Variants in ADGRL3 observed in about 807,000 individuals in gnomAD.
ADGRL3 encodes the protein adhesion G protein-coupled receptor L3.
ADGRL3 carries 62 observed loss-of-function variants against 153.5 expected under a neutral mutation model. That is an observed-to-expected ratio of 0.40 (90% CI 0.33 to 0.50). ADGRL3 has a LOEUF of 0.50. ADGRL3 is among the 20% of genes least tolerant of loss of function. The pLI is 0.47. For missense variants in ADGRL3, 1,641 were observed against 1,859.4 expected (o/e 0.88, Z 2.16); for synonymous variants, 710 against 672.5 (o/e 1.06, Z -0.86).
At chr4:61,486,829 G>T (rs567203964) in intron 2 of ADGRL3, among the ~76,000 whole-genome samples, 13 of 152,222 alleles carry the variant, frequency 8.5e-5, no homozygotes, top group African/African-American at 3.1e-4. Context: ...GATCCTGGAA[G>T]ATCATGGTTC....
chr4:61,379,747 G>A (rs112079193), intron 1 of ADGRL3, among the ~76,000 whole-genome samples: 36 of 152,086 alleles, frequency 2.4e-4, no homozygotes, highest in African/African-American at 6.5e-4. Flanking sequence ...TTTATAATGG[G>A]ATTCCTGGAA....
chr4:61,839,795 A>T (rs1250892966), intron 9 of ADGRL3, among the ~76,000 whole-genome samples: 2 of 151,660 alleles, frequency 1.3e-5, no homozygotes, highest in African/African-American at 2.4e-5. Context: ...GAAAAAAAAA[A>T]TTAAATTTGC....
intron 4 of ADGRL3, among the ~76,000 whole-genome samples, chr4:61,545,923 C>T (rs1005217660): frequency 6.6e-6 from 1 of 152,068 alleles, no homozygotes; most frequent in Non-Finnish European, 1.5e-5. Context: ...AAAAAACTTT[C>T]TATGTTTTTA....
At chr4:61,717,980 C>T (rs2096157584) in intron 6 of ADGRL3, among the ~76,000 whole-genome samples, 1 of 151,894 alleles carries the variant, frequency 6.6e-6, no homozygotes, top group Non-Finnish European at 1.5e-5. Context: ...GTTGCAGTAA[C>T]CTGAGATCAG....
intron 1 of ADGRL3, among the ~76,000 whole-genome samples, chr4:61,328,861 T>A (rs1306242670): frequency 6.6e-6 from 1 of 152,104 alleles, no homozygotes; most frequent in African/African-American, 2.4e-5. Context: ...TTCTCCATAA[T>A]CCCTCAAGCT....
chr4:61,964,146 A>G (rs569779298), intron 17 of ADGRL3, among the ~76,000 whole-genome samples: 65 of 152,314 alleles, frequency 4.3e-4, no homozygotes, highest in Admixed American at 7.8e-4. Context: ...GTTTTAAGTA[A>G]TTCCTTTTTG....
At chr4:61,266,725 G>T (rs1485076315) in intron 1 of ADGRL3, among the ~76,000 whole-genome samples, 1 of 151,654 alleles carries the variant, frequency 6.6e-6, no homozygotes, top group African/African-American at 2.4e-5. Context: ...TATATGTAAG[G>T]TAAATCTAAG....
In ADGRL3 at chr4:62,078,171, A is replaced by ATT. The variant is rs1265083788; in HGVS notation, c.*7265_*7266dup. On this transcript the variant is annotated 3_prime_UTR_variant, in exon 27 of 27. Transcript: ENST00000683033. ...CTTTGGTCGCTTAGGATTCTCATAT[A>ATT]TTTACACATGGCATTATTCTTTTCA... 6.6e-6 allele frequency: 1 copy of ATT among 151,960 alleles called. No individual in the cohort carries two copies. Among genetic ancestry groups the ATT allele is most frequent in the East Asian group, 1.9e-4 (1 of 5,192 alleles). 9.4% of individuals were successfully genotyped at this position (151,960 alleles called of 1,614,324 possible). A position where few individuals can be genotyped will look rare whatever the true frequency, so the allele number is the denominator to read the frequency against.
chr4:61,238,471 G>GTGTGTGTA (rs1753689290), intron 1 of ADGRL3, among the ~76,000 whole-genome samples: 1 of 151,576 alleles, frequency 6.6e-6, no homozygotes, highest in African/African-American at 2.4e-5. Context: ...GTGTGTGTGT[G>GTGTGTGTA]TGTGTATGCA....
At chr4:61,538,795 G>A (rs1310050544) in intron 4 of ADGRL3, among the ~76,000 whole-genome samples, 1 of 152,090 alleles carries the variant, frequency 6.6e-6, no homozygotes, top group East Asian at 1.9e-4. Context: ...CAGTAGATGG[G>A]CATGTGCCTT....
intron 17 of ADGRL3, among the ~76,000 whole-genome samples, chr4:61,956,445 C>T (rs993088891): frequency 6.6e-6 from 1 of 152,084 alleles, no homozygotes; most frequent in Non-Finnish European, 1.5e-5. Context: ...TGACTCTTGT[C>T]AGATGGGTAG....
chr4:61,473,022 G>T (rs986280552), intron 2 of ADGRL3, among the ~76,000 whole-genome samples: 11 of 152,104 alleles, frequency 7.2e-5, no homozygotes, highest in Non-Finnish European at 2.9e-5. Context: ...TGAAAACTGT[G>T]AAGAGGACAT....
At chr4:61,914,087 C>T (rs1318418735) in intron 13 of ADGRL3, among the ~76,000 whole-genome samples, 2 of 152,052 alleles carry the variant, frequency 1.3e-5, no homozygotes, top group Admixed American at 1.3e-4. Flanking sequence ...ACTAACACTT[C>T]AGAGGAATGA....
At chr4:61,731,815 A>G (rs1256486270) in intron 7 of ADGRL3, among the ~76,000 whole-genome samples, 1 of 152,148 alleles carries the variant, frequency 6.6e-6, no homozygotes, top group Non-Finnish European at 1.5e-5. Context: ...ACATTGCTTT[A>G]TAGCCCCTTC....
intron 13 of ADGRL3, among the ~76,000 whole-genome samples, chr4:61,926,061 C>T (rs2098793052): frequency 6.6e-6 from 1 of 152,126 alleles, no homozygotes; most frequent in Admixed American, 6.6e-5. Context: ...ACCTGTACAG[C>T]ATGTTACTGT....
intron 8 of ADGRL3, among the ~76,000 whole-genome samples, chr4:61,802,463 C>A (rs1157491205): frequency 6.6e-6 from 1 of 152,042 alleles, no homozygotes; most frequent in African/African-American, 2.4e-5. Context: ...CAGATAATTT[C>A]TTCCAGATGT....
intron 1 of ADGRL3, among the ~76,000 whole-genome samples, chr4:61,376,114 T>G (rs1288736379): frequency 1.3e-5 from 2 of 152,166 alleles, no homozygotes; most frequent in Non-Finnish European, 2.9e-5. Context: ...TTCCAATTGT[T>G]TTGAACTGTT....
chr4:61,292,936 A>C (rs2150191041), intron 1 of ADGRL3, among the ~76,000 whole-genome samples: 1 of 152,256 alleles, frequency 6.6e-6, no homozygotes, highest in South Asian at 2.1e-4. Flanking sequence ...GTAATTTCCT[A>C]AGATCGCCTG....
Position 61,291,175 on chromosome 4 carries a change from T to TACACAC in ADGRL3, c.-240+89447_-240+89452dup, listed in dbSNP as rs68037459. 1.0e-3 allele frequency among the ~76,000 whole-genome samples: 136 copies of TACACAC among 135,486 alleles called. 1 individual carries two copies. The highest frequency in any genetic ancestry group is 3.7e-3 in the African/African-American group (129 of 34,464). 88.9% of individuals were successfully genotyped at this position (135,486 alleles called of 152,430 possible). Reference sequence around the variant, plus strand: ...AGGCCTAAGATTTTGCCTGGATCAATACACACACACACACACACACACACA... The same window carrying TACACAC: ...AGGCCTAAGATTTTGCCTGGATCAATACACACACACACACACACACACACACACACA... On this transcript the variant is annotated intron_variant, in intron 1 of 26. Coordinates refer to ENST00000683033, the MANE Select transcript of ADGRL3 (RefSeq NM_001387552.1).
Sources: allele counts gnomAD v4.1 joint callset (sites outside exome capture counted in the v4.1 genomes callset), GRCh38; gene constraint gnomAD v4.1.1; transcripts MANE v1.5; gene names NCBI Gene and HGNC (gene_info 2026-07-23, HGNC 2026-07-21).